PIGN: variants seen among roughly 807,000 people sequenced by gnomAD.
PIGN encodes the protein GPI ethanolamine phosphate transferase 1.
A neutral mutation model predicts 125.4 loss-of-function variants in PIGN; 117 were observed. That is an observed-to-expected ratio of 0.93 (90% CI 0.80 to 1.09). The LOEUF is 1.09. PIGN is among the 50% of genes least tolerant of loss of function. The probability of loss-of-function intolerance (pLI) is 0.00; values close to 1 mark genes in which losing one functional copy is unlikely to be tolerated. For synonymous variants in PIGN, 392 were observed against 377.8 expected, an observed-to-expected ratio of 1.04 and a Z score of -0.44; for missense variants, 1,075 against 1,094.9, an observed-to-expected ratio of 0.98 and a Z score of 0.26.
chr18:62,081,870 C>T (rs576642382), intron 28 of PIGN, among the ~76,000 whole-genome samples: 1 of 152,046 alleles, frequency 6.6e-6, no homozygotes, highest in African/African-American at 2.4e-5. Context: ...GGAAGAAAAA[C>T]TTTTTTCATT....
intron 23 of PIGN, among the ~76,000 whole-genome samples, chr18:62,030,622 T>C (rs1023904660): frequency 2.0e-5 from 3 of 152,266 alleles, no homozygotes; most frequent in African/African-American, 7.2e-5. Flanking sequence ...TTTAGGTTTA[T>C]GTGCTGATAT....
chr18:62,047,350 A>T (rs1211554310), intron 30 of PIGN, among the ~76,000 whole-genome samples: 1 of 152,214 alleles, frequency 6.6e-6, no homozygotes, highest in Non-Finnish European at 1.5e-5. Context: ...TGGGGAGCCT[A>T]GACTTCCACC....
chr18:62,066,800 G>A (rs1256666998), intron 30 of PIGN, among the ~76,000 whole-genome samples: 1 of 152,146 alleles, frequency 6.6e-6, no homozygotes, highest in African/African-American at 2.4e-5. Context: ...TTGACAGAGA[G>A]TAATTAAACT....
intron 30 of PIGN, among the ~76,000 whole-genome samples, chr18:62,062,031 C>G (rs942555945): frequency 7.2e-5 from 11 of 152,276 alleles, no homozygotes; most frequent in African/African-American, 2.4e-4. Context: ...CACAGAGGCA[C>G]TATATGACAT....
Position 62,134,347 on chromosome 18 carries a change from C to A in PIGN, c.1172+3896G>T, listed in dbSNP as rs182204912. ...CAGAGGTTGCAGTGAGCCAAGATTG[C>A]GCCACTGCACTCCAGCCTGAGCAAC... On this transcript the variant is annotated intron_variant, in intron 14 of 30. Transcript: ENST00000640252. Among the ~76,000 whole-genome samples the A allele has an allele frequency of 2.0e-4, 30 of 152,200 alleles. 1 individual carries two copies. Among genetic ancestry groups the A allele is most frequent in the African/African-American group, 5.8e-4 (24 of 41,530 alleles).
intron 14 of PIGN, among the ~76,000 whole-genome samples, chr18:62,129,794 G>T (rs984539730): frequency 2.6e-5 from 4 of 152,184 alleles, no homozygotes; most frequent in African/African-American, 4.8e-5. Context: ...TGGCTGAAAT[G>T]ATGACAAATG....
chr18:62,101,322 A>G, intron 21 of PIGN, 139 bp from the exon 22 acceptor site: 2 of 626,220 alleles, frequency 3.2e-6, no homozygotes, highest in South Asian at 3.9e-5. Flanking sequence ...AATACAGTGG[A>G]CAGTACAGGA....
rs1024683821 is a variant in PIGN, at chr18:62,046,513, A to C, written c.2673-534T>G. On this transcript the variant is annotated intron_variant, in intron 30 of 30. Coordinates refer to ENST00000640252, the MANE Select transcript of PIGN (RefSeq NM_176787.5). ...GTTGTGCACTTCTTATGAGAATCTA[A>C]CGAATGCCTGATGATCTGAGGTGGA... is the stretch of plus-strand genomic sequence containing the variant. 8.8e-5 allele frequency among the ~76,000 whole-genome samples: 7 copies of C among 79,656 alleles called. 1 individual carries two copies. The highest frequency in any genetic ancestry group is 2.5e-4 in the African/African-American group (7 of 28,176). The allele number at this position is 79,656 out of a possible 152,430, so 52.3% of individuals were successfully genotyped here.
intron 1 of PIGN, among the ~76,000 whole-genome samples, chr18:62,178,798 G>A (rs749918668): frequency 1.3e-5 from 2 of 152,048 alleles, no homozygotes; most frequent in African/African-American, 4.8e-5. Context: ...AATCCCATAT[G>A]AGAACTAATT....
chr18:62,167,275 T>G (rs925384553), intron 1 of PIGN, among the ~76,000 whole-genome samples: 1 of 145,544 alleles, frequency 6.9e-6, no homozygotes, highest in Non-Finnish European at 1.5e-5. Flanking sequence ...TAGAGATATA[T>G]AGAGATATAT....
At chr18:62,097,313 A>G (rs1319578605) in intron 22 of PIGN, among the ~76,000 whole-genome samples, 9 of 134,706 alleles carry the variant, frequency 6.7e-5, no homozygotes, top group Non-Finnish European at 1.1e-4. Context: ...GCCAAAAAAC[A>G]CATGAAGAAA....
At chr18:62,141,234 C>T (rs2036124332) in intron 11 of PIGN, among the ~76,000 whole-genome samples, 1 of 152,158 alleles carries the variant, frequency 6.6e-6, no homozygotes, top group African/African-American at 2.4e-5. Context: ...TTTAACCCTC[C>T]AGTTGCTTGA....
intron 1 of PIGN, 82 bp from the exon 2 acceptor site, chr18:62,163,738 GTAGTGT>G (rs2037035281): frequency 6.6e-6 from 1 of 152,118 alleles, no homozygotes; most frequent in Non-Finnish European, 1.5e-5. Flanking sequence ...ACAGAGTTCT[GTAGTGT>G]TAAATATATT....
intron 1 of PIGN, among the ~76,000 whole-genome samples, chr18:62,183,443 A>G (rs2037787642): frequency 6.6e-6 from 1 of 152,184 alleles, no homozygotes; most frequent in African/African-American, 2.4e-5. Context: ...TCCCACTGCT[A>G]TAAGACCTTT....
At chr18:62,040,714 T>G (rs17633991), downstream of PIGN, among the ~76,000 whole-genome samples, 6,184 of 152,304 alleles carry the variant, frequency 0.041, 179 homozygotes, top group Non-Finnish European at 0.065. Flanking sequence ...TTTAAGAATA[T>G]TACTTCTCAT....
chr18:62,185,173 C>T (rs1266693184), intron 1 of PIGN, among the ~76,000 whole-genome samples: 3 of 152,192 alleles, frequency 2.0e-5, no homozygotes, highest in Admixed American at 2.0e-4. Flanking sequence ...ACTAATCCTC[C>T]ATTCCTGGAT....
intron 1 of PIGN, among the ~76,000 whole-genome samples, 155 bp from the exon 2 acceptor site, chr18:62,163,811 T>C (rs1254792072): frequency 6.6e-6 from 1 of 152,202 alleles, no homozygotes; most frequent in Non-Finnish European, 1.5e-5. Context: ...TGCAATTCTA[T>C]ATATACGCAT....
At chr18:62,164,492 C>T (rs1194295276) in intron 1 of PIGN, among the ~76,000 whole-genome samples, 4 of 152,050 alleles carry the variant, frequency 2.6e-5, no homozygotes, top group African/African-American at 9.7e-5. Flanking sequence ...CATGGCAGAG[C>T]AAAAGAGAGA....
chr18:62,031,502 T>A (rs1031865167), intron 23 of PIGN, among the ~76,000 whole-genome samples: 3 of 152,170 alleles, frequency 2.0e-5, no homozygotes, highest in Admixed American at 6.5e-5. Context: ...TTTCAGTAGA[T>A]GGAAATTTCT....
Sources: gnomAD v4.1 joint callset for allele counts (sites outside exome capture counted in the v4.1 genomes callset) on GRCh38, gnomAD v4.1.1 for gene constraint, MANE v1.5 for transcripts, NCBI Gene and HGNC (gene_info 2026-07-23, HGNC 2026-07-21) for gene names.